The following ZMYM6 variants were observed in gnomAD, a reference collection of about 807,000 sequenced individuals.
ZMYM6 encodes zinc finger MYM-type containing 6, also known as zinc finger MYM-type protein 6.
A neutral mutation model predicts 134.0 loss-of-function variants in ZMYM6; 90 were observed. That is an observed-to-expected ratio of 0.67 (90% CI 0.57 to 0.80). The LOEUF is 0.80. ZMYM6 is among the 30% of genes least tolerant of loss of function. The pLI, the probability that ZMYM6 is intolerant of heterozygous loss-of-function variation, is 0.00. For synonymous variants in ZMYM6, 481 were observed against 524.1 expected, an observed-to-expected ratio of 0.92 and a Z score of 1.12; for missense variants, 1,362 against 1,533.9, an observed-to-expected ratio of 0.89 and a Z score of 1.87.
intron 2 of ZMYM6, among the ~76,000 whole-genome samples, chr1:35,023,211 G>A (rs960504979): frequency 1.3e-5 from 2 of 151,810 alleles, no homozygotes; most frequent in Non-Finnish European, 2.9e-5. Flanking sequence ...GGGTTCAATC[G>A]ATTCTCCTCC....
intron 14 of ZMYM6, among the ~76,000 whole-genome samples, 198 bp from the exon 15 acceptor site, chr1:34,992,585 G>A (rs1397041088): frequency 1.5e-5 from 2 of 136,730 alleles, no homozygotes; most frequent in East Asian, 4.3e-4. Flanking sequence ...TTAATTTACT[G>A]ATTTTAAAAA....
intron 11 of ZMYM6, 98 bp from the exon 12 acceptor site, chr1:35,007,196 G>A (rs1640997516): frequency 8.2e-7 from 1 of 1,217,772 alleles, no homozygotes; most frequent in African/African-American, 1.6e-5. Context: ...CAGGATATAT[G>A]AGTCAGTTGA....
intron 4 of ZMYM6, among the ~76,000 whole-genome samples, chr1:35,015,607 C>G (rs1569781109): frequency 6.7e-6 from 1 of 150,276 alleles, no homozygotes; most frequent in East Asian, 2.0e-4. Flanking sequence ...GCCTGTAATC[C>G]CAGCTACTCG....
Position 35,010,490 on chromosome 1 carries a change from C to G in ZMYM6, c.1449G>C (p.Glu483Asp). The change falls in exon 10 of 16, where the codon GAG (glutamate) becomes GAC (aspartate). Residue 483 changes from glutamate (E) to aspartate (D), a missense_variant. By Grantham distance (45) the Glu-to-Asp change is conservative. Coordinates refer to ENST00000357182, the MANE Select transcript of ZMYM6 (RefSeq NM_007167.4). ...TATCAACCCCTGAGAATCGCACAGT[C>G]TCCTTTATAATTTTCTGCAGTTTAC... is the stretch of plus-strand genomic sequence containing the variant. ...DYCKLQKIIK[E>D]TVRFSGVDKP... 6.2e-7 allele frequency: 1 copy of G among 1,613,848 alleles called. No homozygotes were observed. The highest frequency in any genetic ancestry group is 8.5e-7 in the Non-Finnish European group (1 of 1,179,956).
At chr1:35,004,260 CTAAAAAAATATCA>C in intron 13 of ZMYM6, among the ~76,000 whole-genome samples, 1 of 152,168 alleles carries the variant, frequency 6.6e-6, no homozygotes, top group Admixed American at 6.5e-5. Context: ...ATGTGGGCTC[CTAAAAAAATATCA>C]CTTCCCAGGG....
At chr1:35,007,353 G>A (rs1641002195) in intron 11 of ZMYM6, among the ~76,000 whole-genome samples, 1 of 152,146 alleles carries the variant, frequency 6.6e-6, no homozygotes, top group African/African-American at 2.4e-5. Context: ...CATTTTAGGA[G>A]GCCGAGGTGG....
chr1:35,029,053 G>A (rs987387189), intron 2 of ZMYM6, among the ~76,000 whole-genome samples: 1 of 151,938 alleles, frequency 6.6e-6, no homozygotes, highest in Non-Finnish European at 1.5e-5. Flanking sequence ...TTAGCCAGGC[G>A]TGGTGGCAGG....
Position 35,008,761 on chromosome 1 carries a change from CA to C in ZMYM6, c.1655del (p.Leu552ArgfsTer17). The C allele has an allele frequency of 6.2e-7, 1 of 1,613,316 alleles. No homozygotes were observed. The highest frequency in any genetic ancestry group is 8.5e-7 in the Non-Finnish European group (1 of 1,179,770). The stretch of plus-strand genomic sequence containing the variant: ...ATATTATCACATTTACCTGATAAAA[CA>C]GAACTGTAAATTTGGACATACAATC... The part of the protein sequence containing the change: ...CEDCMSKFTV[L>X]FYQMAKCDGC... On this transcript the variant is annotated frameshift_variant, in exon 11 of 16. Transcript: ENST00000357182. LOFTEE classifies it high-confidence loss of function.
Position 34,986,906 on chromosome 1 carries a change from A to C in ZMYM6, c.*198T>G. 1 of 350,340 alleles carries C rather than the reference A, an allele frequency of 2.9e-6. No homozygotes were observed. Among genetic ancestry groups the C allele is most frequent in the Non-Finnish European group, 4.9e-6 (1 of 204,414 alleles). 21.7% of individuals were successfully genotyped at this position (350,340 alleles called of 1,614,324 possible). On this transcript the variant is annotated 3_prime_UTR_variant, in exon 16 of 16. Coordinates refer to ENST00000357182, the MANE Select transcript of ZMYM6 (RefSeq NM_007167.4). ...AGTCCAAATTTAATGAAATAACTAAATTTTCTACCCTAGATTATAATTATA... is the reference window on the plus strand; with the variant it reads ...AGTCCAAATTTAATGAAATAACTAACTTTTCTACCCTAGATTATAATTATA...
chr1:35,008,356 A>G (rs921032122), intron 11 of ZMYM6, among the ~76,000 whole-genome samples: 5 of 152,238 alleles, frequency 3.3e-5, no homozygotes, highest in African/African-American at 1.2e-4. Context: ...CTTTTTAAAA[A>G]TGAGGTAGGA....
At chr1:34,997,533 G>T (rs1640805010) in intron 14 of ZMYM6, among the ~76,000 whole-genome samples, 1 of 152,106 alleles carries the variant, frequency 6.6e-6, no homozygotes. Flanking sequence ...TTGAACTCCT[G>T]CCCTTAAGAG....
At chr1:35,006,875 A>G in intron 12 of ZMYM6, 76 bp downstream of exon 12, 1 of 1,243,194 alleles carries the variant, frequency 8.0e-7, no homozygotes, top group African/African-American at 1.6e-5. Flanking sequence ...TGTTTTTATT[A>G]TATTATTTAT....
chr1:35,005,327 AC>A, intron 12 of ZMYM6, 55 bp from the exon 13 acceptor site: 2 of 1,562,508 alleles, frequency 1.3e-6, no homozygotes, highest in Non-Finnish European at 1.7e-6. Context: ...TCTCTCTCAT[AC>A]ACACTCACAC....
At chr1:35,021,639 A>G (rs1641311768) in intron 2 of ZMYM6, among the ~76,000 whole-genome samples, 1 of 152,172 alleles carries the variant, frequency 6.6e-6, no homozygotes, top group African/African-American at 2.4e-5. Flanking sequence ...AAGAAAAAGA[A>G]AAAAAGAAAA....
Position 34,988,176 on chromosome 1 carries a change from G to T in ZMYM6, c.2906C>A (p.Ser969Tyr), listed in dbSNP as rs1240529866. 1 of 1,549,304 alleles carries T rather than the reference G, an allele frequency of 6.5e-7. No individual in the cohort carries two copies. The highest frequency in any genetic ancestry group is 8.7e-7 in the Non-Finnish European group (1 of 1,145,884). ...ACCAACACAATGTTTCCAATTCAGA[G>T]ATTTACTATCAATATATTTATTTAT... ...ELINKYIDSK[S>Y]LNWKHCVGLC... The change falls in exon 16 of 16, where the codon TCT (serine) becomes TAT (tyrosine). Residue 969 changes from serine to tyrosine, a missense_variant. Transcript: ENST00000357182.
intron 2 of ZMYM6, among the ~76,000 whole-genome samples, chr1:35,023,951 A>G (rs565026841): frequency 2.2e-4 from 33 of 152,248 alleles, no homozygotes; most frequent in Admixed American, 7.9e-4. Flanking sequence ...TTGCCTTATC[A>G]ACTCAATTTC....
At chr1:35,018,529 G>T (rs1187910121) in intron 4 of ZMYM6, 1 of 151,408 alleles carries the variant, frequency 6.6e-6, no homozygotes, top group Non-Finnish European at 1.5e-5. Flanking sequence ...ATAATCGCAC[G>T]ATATAATTTT....
intron 14 of ZMYM6, among the ~76,000 whole-genome samples, chr1:34,997,823 G>A (rs2148446043): frequency 1.3e-5 from 2 of 152,128 alleles, no homozygotes; most frequent in African/African-American, 4.8e-5. Context: ...AATTTCTTAA[G>A]TCTTTCTCCA....
Position 34,988,722 on chromosome 1 carries a change from T to C in ZMYM6, c.2360A>G (p.His787Arg). Reference protein sequence around the residue: ...SENMKPANLSHHLKTKHSELE... With the variant: ...SENMKPANLSRHLKTKHSELE... Reference sequence around the variant, plus strand: ...TTCTGAATGTTTTGTCTTCAAATGATGAGAAAGATTTGCTGGCTTCATGTT... The same window carrying C: ...TTCTGAATGTTTTGTCTTCAAATGACGAGAAAGATTTGCTGGCTTCATGTT... The change falls in exon 16 of 16, where the codon CAT (histidine) becomes CGT (arginine). Residue 787 changes from histidine (H) to arginine (R), a missense_variant. Physicochemically the swap from His to Arg is conservative, Grantham distance 29. Transcript: ENST00000357182. The C allele has an allele frequency of 6.4e-7, 1 of 1,551,320 alleles. No individual in the cohort carries two copies. Among genetic ancestry groups the C allele is most frequent in the Non-Finnish European group, 8.7e-7 (1 of 1,146,878 alleles).
Sources: allele counts gnomAD v4.1 joint callset (sites outside exome capture counted in the v4.1 genomes callset), GRCh38; gene constraint gnomAD v4.1.1; transcripts MANE v1.5; gene names NCBI Gene and HGNC (gene_info 2026-07-23, HGNC 2026-07-21).